PPP1R14C: variants seen among roughly 807,000 people sequenced by gnomAD.
The protein encoded by PPP1R14C is protein phosphatase 1 regulatory subunit 14C.
A neutral mutation model predicts 20.4 loss-of-function variants in PPP1R14C; 16 were observed. The observed-to-expected ratio is 0.78, with a 90% CI of 0.53 to 1.19. The LOEUF (loss-of-function observed/expected upper bound fraction) is 1.19, where lower values mean the gene tolerates loss of function less well. Ranked by LOEUF, PPP1R14C falls within the 50% of genes most tolerant of loss-of-function variation. PPP1R14C has a pLI of 0.00. For missense variants in PPP1R14C, 211 were observed against 220.1 expected (o/e 0.96, Z 0.26); for synonymous variants, 91 against 91.0 (o/e 1.00, Z 0.00).
intron 2 of PPP1R14C, among the ~76,000 whole-genome samples, chr6:150,215,968 G>A (rs1778086571): frequency 6.6e-6 from 1 of 152,150 alleles, no homozygotes; most frequent in Non-Finnish European, 1.5e-5. Flanking sequence ...TGCATACAGA[G>A]GAGGTAAAAA....
intron 3 of PPP1R14C, among the ~76,000 whole-genome samples, chr6:150,241,902 G>GAAT (rs1331347900): frequency 3.3e-5 from 5 of 151,936 alleles, no homozygotes; most frequent in Non-Finnish European, 5.9e-5. Context: ...GAAAAAAAAA[G>GAAT]TGTCAGAATT....
At chr6:150,161,151 G>A (rs1164082235) in intron 1 of PPP1R14C, among the ~76,000 whole-genome samples, 4 of 152,002 alleles carry the variant, frequency 2.6e-5, no homozygotes, top group African/African-American at 7.3e-5. Context: ...GTGGTGGCAT[G>A]CTCCTGTAAT....
At chr6:150,228,803 C>T (rs915935562) in intron 3 of PPP1R14C, among the ~76,000 whole-genome samples, 1 of 152,032 alleles carries the variant, frequency 6.6e-6, no homozygotes, top group Non-Finnish European at 1.5e-5. Flanking sequence ...GCAGGATGAC[C>T]ATGAGATGGT....
rs911815858 is a variant in PPP1R14C at position 150,143,855 on chromosome 6, G to A, written c.306+357G>A. ...GCTCGGAGGGGCTCACTCCAGCTGC[G>A]CCTCAGCAGCGGTTGGGGATACAGC... On this transcript the variant is annotated intron_variant, in intron 1 of 3. Coordinates refer to ENST00000361131, the MANE Select transcript of PPP1R14C (RefSeq NM_030949.3). The surrounding 1 kb of genome is among the most constrained non-coding windows in gnomAD (Gnocchi z 5.6). Among the ~76,000 whole-genome samples the A allele has an allele frequency of 6.6e-6, 1 of 152,238 alleles. No homozygotes were observed. Among genetic ancestry groups the A allele is most frequent in the African/African-American group, 2.4e-5 (1 of 41,476 alleles).
chr6:150,199,266 G>A, intron 1 of PPP1R14C, among the ~76,000 whole-genome samples: 1 of 152,150 alleles, frequency 6.6e-6, no homozygotes, highest in Non-Finnish European at 1.5e-5. Context: ...TTCAGCTGAG[G>A]CACGGCTATC....
intron 1 of PPP1R14C, chr6:150,194,724 C>T (rs746636039): frequency 4.7e-5 from 46 of 985,244 alleles, no homozygotes; most frequent in African/African-American, 5.2e-5. Context: ...AGCTATAAAA[C>T]GTAAAAGAGG....
intron 3 of PPP1R14C, among the ~76,000 whole-genome samples, chr6:150,217,483 C>T (rs769599315): frequency 1.3e-5 from 2 of 152,166 alleles, no homozygotes; most frequent in Non-Finnish European, 2.9e-5. Flanking sequence ...GTGTGAGCCA[C>T]CGCACCCGGC....
chr6:150,143,049 AGCCGG>A lies in PPP1R14C; in HGVS notation c.-141_-137del. On this transcript the variant is annotated 5_prime_UTR_variant, in exon 1 of 4. Coordinates refer to ENST00000361131, the MANE Select transcript of PPP1R14C (RefSeq NM_030949.3). This position sits in a 1 kb window ranked among gnomAD's most constrained non-coding sequence, Gnocchi z 5.6. ...GCGGCTCCTCCCGCCCTCCCAGAGC[AGCCGG>A]GCGGCTGGGCGCGCGCGGCGCAGAG... 9.4e-7 allele frequency: 1 copy of A among 1,068,000 alleles called. No individual in the cohort carries two copies. Among genetic ancestry groups the A allele is most frequent in the Non-Finnish European group, 1.1e-6 (1 of 887,532 alleles). 66.2% of individuals were successfully genotyped at this position (1,068,000 alleles called of 1,614,324 possible). A position where few individuals can be genotyped will look rare whatever the true frequency, so the allele number is the denominator to read the frequency against.
At chr6:150,206,093 C>T (rs1317904670) in intron 1 of PPP1R14C, among the ~76,000 whole-genome samples, 5 of 152,188 alleles carry the variant, frequency 3.3e-5, no homozygotes, top group South Asian at 2.1e-4. Flanking sequence ...ACAGTGACCC[C>T]GGGCTCCTGG....
At chr6:150,167,977 T>C (rs1433749192) in intron 1 of PPP1R14C, among the ~76,000 whole-genome samples, 2 of 143,884 alleles carry the variant, frequency 1.4e-5, no homozygotes, top group Admixed American at 6.9e-5. Flanking sequence ...TTTCTCTCCT[T>C]CTCTCCTCCC....
chr6:150,227,191 C>T (rs1158342986), intron 3 of PPP1R14C, among the ~76,000 whole-genome samples: 1 of 152,206 alleles, frequency 6.6e-6, no homozygotes, highest in African/African-American at 2.4e-5. Flanking sequence ...ATTTACAATA[C>T]AGGAAAACCA....
chr6:150,170,846 G>C (rs1174471847), intron 1 of PPP1R14C, among the ~76,000 whole-genome samples: 1 of 151,506 alleles, frequency 6.6e-6, no homozygotes, highest in Non-Finnish European at 1.5e-5. Flanking sequence ...TTTATGCAGG[G>C]AAGTGATATG....
chr6:150,172,465 G>A (rs1777510427), intron 1 of PPP1R14C, among the ~76,000 whole-genome samples: 1 of 152,172 alleles, frequency 6.6e-6, no homozygotes. Context: ...AGGCCCTGTG[G>A]TGCAGGTGGG....
chr6:150,226,548 C>T (rs959094620), intron 3 of PPP1R14C, among the ~76,000 whole-genome samples: 1 of 152,070 alleles, frequency 6.6e-6, no homozygotes, highest in African/African-American at 2.4e-5. Flanking sequence ...GGAGGATGAA[C>T]AGAAAATGCA....
chr6:150,227,920 A>G (rs1486707068), intron 3 of PPP1R14C, among the ~76,000 whole-genome samples: 5 of 152,198 alleles, frequency 3.3e-5, no homozygotes, highest in African/African-American at 4.8e-5. Flanking sequence ...TGGTCCCATT[A>G]TTACAATTGC....
intron 1 of PPP1R14C, among the ~76,000 whole-genome samples, chr6:150,167,481 C>T (rs1024644328): frequency 6.6e-6 from 1 of 152,140 alleles, no homozygotes; most frequent in African/African-American, 2.4e-5. Context: ...CTTGGGCTTC[C>T]ATGTAGAGCT....
At chr6:150,231,858 A>G (rs1582930456) in intron 3 of PPP1R14C, among the ~76,000 whole-genome samples, 1 of 152,202 alleles carries the variant, frequency 6.6e-6, no homozygotes, top group African/African-American at 2.4e-5. Context: ...CTTTCTGTTC[A>G]TACACTGTAA....
intron 1 of PPP1R14C, among the ~76,000 whole-genome samples, chr6:150,147,165 G>A (rs1398147513): frequency 6.9e-6 from 1 of 144,308 alleles, no homozygotes; most frequent in South Asian, 2.3e-4. Context: ...ACCCTGGTGG[G>A]TTTTTTTTGT....
intron 3 of PPP1R14C, 85 bp downstream of exon 3, chr6:150,216,941 A>C (rs1778101746): frequency 1.9e-6 from 2 of 1,041,988 alleles, no homozygotes; most frequent in Non-Finnish European, 2.9e-6. Context: ...AACCACAATA[A>C]GTAGGTTTGA....
Sources: allele counts gnomAD v4.1 joint callset (sites outside exome capture counted in the v4.1 genomes callset), GRCh38; gene constraint gnomAD v4.1.1; non-coding constraint Gnocchi (gnomAD v3.1); transcripts MANE v1.5; gene names NCBI Gene and HGNC (gene_info 2026-07-23, HGNC 2026-07-21).